The following SRBD1 variants were observed in gnomAD, a reference collection of about 807,000 sequenced individuals.
SRBD1 encodes S1 RNA-binding domain-containing protein 1.
Under a neutral mutation model 115.3 loss-of-function variants are expected in SRBD1, and 88 were observed. That is an observed-to-expected ratio of 0.76 (90% CI 0.64 to 0.91). The LOEUF is 0.91. Ranked by LOEUF, SRBD1 falls within the 40% of genes least tolerant of loss-of-function variation. The probability of loss-of-function intolerance (pLI) is 0.00; values close to 1 mark genes in which losing one functional copy is unlikely to be tolerated. For synonymous variants in SRBD1, 509 were observed against 407.7 expected, an observed-to-expected ratio of 1.25 and a Z score of -2.99; for missense variants, 1,385 against 1,177.4, an observed-to-expected ratio of 1.18 and a Z score of -2.58.
chr2:45,492,244 C>T (rs1256011874), intron 14 of SRBD1, among the ~76,000 whole-genome samples: 1 of 152,180 alleles, frequency 6.6e-6, no homozygotes, highest in Non-Finnish European at 1.5e-5. Flanking sequence ...ATTGATATCT[C>T]TACAGTTTAC....
intron 14 of SRBD1, among the ~76,000 whole-genome samples, chr2:45,521,882 C>T (rs1179386762): frequency 6.6e-6 from 1 of 151,740 alleles, no homozygotes; most frequent in Non-Finnish European, 1.5e-5. Flanking sequence ...CTGGGAGGAT[C>T]GCTTGAGCCT....
chr2:45,491,965 G>T (rs1459124900), intron 14 of SRBD1, among the ~76,000 whole-genome samples: 2 of 129,620 alleles, frequency 1.5e-5, no homozygotes, highest in Non-Finnish European at 3.7e-5. Flanking sequence ...AGGATTATAG[G>T]TGCCCACCAT....
intron 14 of SRBD1, among the ~76,000 whole-genome samples, chr2:45,493,860 A>G (rs925325318): frequency 6.6e-6 from 1 of 152,078 alleles, no homozygotes; most frequent in African/African-American, 2.4e-5. Flanking sequence ...GATTAAGAGG[A>G]CATACGGAAA....
intron 14 of SRBD1, among the ~76,000 whole-genome samples, chr2:45,539,494 A>G (rs987502555): frequency 6.6e-6 from 1 of 152,208 alleles, no homozygotes; most frequent in Admixed American, 6.5e-5. Context: ...AGAATAAAAC[A>G]GAACTATAAC....
chr2:45,506,518 T>C (rs1670802648), intron 14 of SRBD1, among the ~76,000 whole-genome samples: 1 of 152,168 alleles, frequency 6.6e-6, no homozygotes, highest in Non-Finnish European at 1.5e-5. Flanking sequence ...CCTAATGACA[T>C]TTTTTATTCC....
At chr2:45,507,063 A>G (rs1281273356) in intron 14 of SRBD1, among the ~76,000 whole-genome samples, 1 of 152,196 alleles carries the variant, frequency 6.6e-6, no homozygotes. Flanking sequence ...GGCGTATAGT[A>G]AAGAATGAGT....
chr2:45,417,877 T>A (rs531480315), intron 18 of SRBD1, among the ~76,000 whole-genome samples: 5 of 152,324 alleles, frequency 3.3e-5, no homozygotes, highest in African/African-American at 1.2e-4. Context: ...GCCCTAATTG[T>A]GTGGGCCTTT....
At chr2:45,456,404 T>C (rs1382060273) in intron 16 of SRBD1, among the ~76,000 whole-genome samples, 1 of 151,924 alleles carries the variant, frequency 6.6e-6, no homozygotes, top group Non-Finnish European at 1.5e-5. Flanking sequence ...TTTTGTTTTC[T>C]TGACAGTTAA....
At chr2:45,482,811 T>C (rs1332741346) in intron 15 of SRBD1, among the ~76,000 whole-genome samples, 1 of 152,066 alleles carries the variant, frequency 6.6e-6, no homozygotes, top group Non-Finnish European at 1.5e-5. Flanking sequence ...GATGCTCAAG[T>C]CCTTTATATA....
intron 16 of SRBD1, among the ~76,000 whole-genome samples, chr2:45,440,677 G>A (rs1375403081): frequency 6.6e-6 from 1 of 152,164 alleles, no homozygotes. Flanking sequence ...AGTCATAAAA[G>A]TGGACTTTAG....
intron 7 of SRBD1, among the ~76,000 whole-genome samples, chr2:45,576,687 T>C (rs535007976): frequency 6.6e-6 from 1 of 152,320 alleles, no homozygotes; most frequent in Non-Finnish European, 1.5e-5. Flanking sequence ...GCTCTCTCAG[T>C]CTTCATCTAG....
intron 16 of SRBD1, among the ~76,000 whole-genome samples, chr2:45,429,163 C>T (rs1338455768): frequency 6.6e-6 from 1 of 152,026 alleles, no homozygotes; most frequent in Non-Finnish European, 1.5e-5. Flanking sequence ...TAATAGCCTA[C>T]CAACCAAAAA....
intron 14 of SRBD1, among the ~76,000 whole-genome samples, chr2:45,495,890 T>C (rs1416265212): frequency 6.6e-6 from 1 of 152,228 alleles, no homozygotes; most frequent in Non-Finnish European, 1.5e-5. Context: ...TTGAAATGTA[T>C]TGGCTTAAAA....
At chr2:45,505,564 A>T (rs1670772765) in intron 14 of SRBD1, among the ~76,000 whole-genome samples, 2 of 152,220 alleles carry the variant, frequency 1.3e-5, no homozygotes, top group Admixed American at 6.5e-5. Flanking sequence ...AATGGCCACC[A>T]AATTCTTTGT....
At chr2:45,468,437 G>T (rs1206816933) in intron 16 of SRBD1, among the ~76,000 whole-genome samples, 2 of 151,268 alleles carry the variant, frequency 1.3e-5, no homozygotes, top group African/African-American at 2.4e-5. Context: ...GCCCTGGCTG[G>T]AGTGCAGTGG....
intron 16 of SRBD1, among the ~76,000 whole-genome samples, chr2:45,441,865 G>A (rs1668679425): frequency 6.6e-6 from 1 of 152,196 alleles, no homozygotes; most frequent in Non-Finnish European, 1.5e-5. Context: ...GTCCTAACAT[G>A]TTAAGACTGA....
intron 14 of SRBD1, among the ~76,000 whole-genome samples, chr2:45,493,063 T>TTCC (rs1670347960): frequency 6.6e-6 from 1 of 152,206 alleles, no homozygotes; most frequent in South Asian, 2.1e-4. Context: ...ATCTAGCATC[T>TTCC]TCCCCTTTTC....
intron 9 of SRBD1, among the ~76,000 whole-genome samples, chr2:45,571,415 G>A (rs1673005855): frequency 6.8e-6 from 1 of 147,704 alleles, no homozygotes; most frequent in Admixed American, 7.0e-5. Flanking sequence ...AGTCACTAGA[G>A]CAAACCAACC....
chr2:45,527,374 T>C (rs1312397827), intron 14 of SRBD1, among the ~76,000 whole-genome samples: 1 of 151,762 alleles, frequency 6.6e-6, no homozygotes, highest in Non-Finnish European at 1.5e-5. Context: ...GTTATGGAAG[T>C]ACACAGAAAA....
Sources: allele counts gnomAD v4.1 joint callset (sites outside exome capture counted in the v4.1 genomes callset), GRCh38; gene constraint gnomAD v4.1.1; transcripts MANE v1.5; gene names NCBI Gene and HGNC (gene_info 2026-07-23, HGNC 2026-07-21).